Variants in CACNA2D4 observed in about 807,000 individuals in gnomAD.
CACNA2D4 encodes calcium voltage-gated channel auxiliary subunit alpha2delta 4, also known as voltage-dependent calcium channel subunit alpha-2/delta-4.
In CACNA2D4, 157 loss-of-function variants were observed where a neutral mutation model predicts 163.8. The ratio of observed to expected loss-of-function variants is 0.96; its 90% CI spans 0.84 to 1.09. CACNA2D4 has a LOEUF of 1.09. CACNA2D4 is among the 50% of genes least tolerant of loss of function. CACNA2D4 has a pLI of 0.00. For missense variants in CACNA2D4, 1,410 were observed against 1,479.9 expected, an observed-to-expected ratio of 0.95 and a Z score of 0.78; for synonymous variants, 598 against 586.9, an observed-to-expected ratio of 1.02 and a Z score of -0.27.
intron 13 of CACNA2D4, among the ~76,000 whole-genome samples, chr12:1,881,529 C>G (rs1469913439): frequency 1.3e-5 from 2 of 152,252 alleles, no homozygotes; most frequent in Non-Finnish European, 2.9e-5. Context: ...GAGCCCTGGC[C>G]CCTCCTGCTG....
At chr12:1,864,201 C>T (rs1338365299) in intron 18 of CACNA2D4, among the ~76,000 whole-genome samples, 1 of 152,178 alleles carries the variant, frequency 6.6e-6, no homozygotes, top group Non-Finnish European at 1.5e-5. Context: ...GGCTCCTAAG[C>T]GTGAAGGCCG....
chr12:1,853,618 G>A (rs772336676), intron 23 of CACNA2D4, among the ~76,000 whole-genome samples: 13 of 152,146 alleles, frequency 8.5e-5, no homozygotes, highest in African/African-American at 2.9e-4. Flanking sequence ...CAAAGGGAGC[G>A]AGGATTTCTA....
chr12:1,918,618 C>T lies in CACNA2D4; in HGVS notation c.-145G>A. The T allele has an allele frequency of 4.9e-6, 3 of 617,310 alleles. No homozygotes were observed. Among genetic ancestry groups the T allele is most frequent in the South Asian group, 2.0e-5 (1 of 49,122 alleles). 38.2% of individuals were successfully genotyped at this position (617,310 alleles called of 1,614,324 possible). On this transcript the variant is annotated 5_prime_UTR_variant, in exon 1 of 38. Transcript: ENST00000382722. ...ACAGCTGCAGCTCACAGAAGAGTCG[C>T]CCCACCTAGCAAGCAGGCCTCGGAG...
chr12:1,888,748 T>C (rs560296921), intron 6 of CACNA2D4, among the ~76,000 whole-genome samples: 1 of 152,336 alleles, frequency 6.6e-6, no homozygotes, highest in African/African-American at 2.4e-5. Flanking sequence ...GAAGGTTTAA[T>C]ACACATCTGA....
At chr12:1,810,511 T>C in intron 28 of CACNA2D4, 32 bp downstream of exon 28, 1 of 1,551,082 alleles carries the variant, frequency 6.4e-7, no homozygotes, top group Non-Finnish European at 8.7e-7. Context: ...CATGGCTCCC[T>C]CCTCCACCTT....
At position 1,882,818 on chromosome 12, in the gene CACNA2D4, C is replaced by T. The variant is rs1477979826; in HGVS notation, c.1485+49G>A. 5.0e-6 allele frequency: 8 copies of T among 1,606,072 alleles called. No individual in the cohort carries two copies. The East Asian group carries it at 1.1e-4, about 22-fold the overall frequency. ...AAGTAACTTCTTACTCCCTGGGGTC[C>T]CTAACTCTGAGGTGGGCTTCTCGAG... On this transcript the variant is annotated intron_variant, in intron 13 of 37. Coordinates refer to ENST00000382722, the MANE Select transcript of CACNA2D4 (RefSeq NM_172364.5).
chr12:1,803,917 G>C (rs1322192040), intron 29 of CACNA2D4, among the ~76,000 whole-genome samples: 1 of 152,154 alleles, frequency 6.6e-6, no homozygotes, highest in African/African-American at 2.4e-5. Context: ...TAAAGCCCTG[G>C]CAGGCTGCAT....
intron 16 of CACNA2D4, among the ~76,000 whole-genome samples, chr12:1,877,455 T>C (rs1428517412): frequency 6.6e-6 from 1 of 152,224 alleles, no homozygotes; most frequent in Admixed American, 6.5e-5. Flanking sequence ...GCTTCCAGTG[T>C]GCCCTGATCT....
At chr12:1,903,118 G>C (rs1866574523) in intron 6 of CACNA2D4, among the ~76,000 whole-genome samples, 1 of 152,006 alleles carries the variant, frequency 6.6e-6, no homozygotes, top group Admixed American at 6.6e-5. Context: ...TTGGGGAGAG[G>C]ACAGTCTCTT....
At position 1,853,923 on chromosome 12, in the gene CACNA2D4, GCCTGGGAA is replaced by G. The variant is rs761403035; in HGVS notation, c.2246+20_2246+27del. 19 of 1,574,900 alleles carry G rather than the reference GCCTGGGAA, an allele frequency of 1.2e-5. No homozygotes were observed. The highest frequency in any genetic ancestry group is 1.1e-4 in the African/African-American group (8 of 74,150). On this transcript the variant is annotated intron_variant, in intron 23 of 37. Transcript: ENST00000382722. The stretch of plus-strand genomic sequence containing the variant: ...AAGGGAATTCTGGGGGCTGGTTGGG[GCCTGGGAA>G]CCTGGGAACCTGGACCTACTCGGAC...
intron 14 of CACNA2D4, 68 bp downstream of exon 14, chr12:1,879,736 G>A: frequency 7.8e-7 from 1 of 1,274,488 alleles, no homozygotes; most frequent in Admixed American, 2.0e-5. Flanking sequence ...AGAATCACTG[G>A]TCTAAAGATG....
Position 1,853,963 on chromosome 12 carries a change from A to G in CACNA2D4, c.2234T>C (p.Leu745Pro), listed in dbSNP as rs775648759. The G allele has an allele frequency of 4.3e-6, 7 of 1,612,942 alleles. No individual in the cohort carries two copies. Among genetic ancestry groups the G allele is most frequent in the Non-Finnish European group, 5.9e-6 (7 of 1,179,362 alleles). ...PMEAYWTALA[L>P]NMSEESEHVV... Reference sequence around the variant, plus strand: ...AACCTGGACCTACTCGGACATGTTGAGGGCCAGCGCTGTCCAGTAGGCTTC... The same window carrying G: ...AACCTGGACCTACTCGGACATGTTGGGGGCCAGCGCTGTCCAGTAGGCTTC... Residue 745 changes from leucine to proline, a missense_variant, in exon 23 of 38, where the codon CTC (leucine) becomes CCC (proline). Transcript: ENST00000382722.
chr12:1,856,770 C>T (rs955879171), intron 20 of CACNA2D4, among the ~76,000 whole-genome samples: 13 of 152,218 alleles, frequency 8.5e-5, no homozygotes, highest in Admixed American at 5.2e-4. Flanking sequence ...GCTCAGTACA[C>T]GCTGTTGACT....
chr12:1,832,162 T>C (rs1223422020), intron 26 of CACNA2D4, among the ~76,000 whole-genome samples: 1 of 152,158 alleles, frequency 6.6e-6, no homozygotes, highest in Non-Finnish European at 1.5e-5. Context: ...CATGATCACA[T>C]GACATGGGAG....
At chr12:1,901,860 A>G (rs1209310781) in intron 6 of CACNA2D4, among the ~76,000 whole-genome samples, 5 of 152,248 alleles carry the variant, frequency 3.3e-5, no homozygotes, top group African/African-American at 1.2e-4. Flanking sequence ...CAAGGCCAGC[A>G]TTATCCTGAT....
intron 18 of CACNA2D4, among the ~76,000 whole-genome samples, chr12:1,870,048 C>T (rs76783761): frequency 0.028 from 4,336 of 152,250 alleles, 196 homozygotes; most frequent in African/African-American, 0.099. Flanking sequence ...GGGTCTGTCT[C>T]AGCTTTGTCT....
intron 13 of CACNA2D4, among the ~76,000 whole-genome samples, chr12:1,882,260 A>G (rs1866022069): frequency 6.6e-6 from 1 of 152,156 alleles, no homozygotes; most frequent in African/African-American, 2.4e-5. Flanking sequence ...ATTCACTTCT[A>G]TCTTATTTAA....
chr12:1,902,182 T>TAA (rs141476361), intron 6 of CACNA2D4, among the ~76,000 whole-genome samples: 1 of 151,752 alleles, frequency 6.6e-6, no homozygotes, highest in Non-Finnish European at 1.5e-5. Context: ...GTAAAACCCC[T>TAA]AAAAAAACTG....
intron 26 of CACNA2D4, among the ~76,000 whole-genome samples, chr12:1,822,931 G>A (rs1565686918): frequency 6.6e-6 from 1 of 152,212 alleles, no homozygotes; most frequent in African/African-American, 2.4e-5. Flanking sequence ...CAGCCTTCCT[G>A]GGGTTGGTGG....
Sources: allele counts gnomAD v4.1 joint callset (sites outside exome capture counted in the v4.1 genomes callset), GRCh38; gene constraint gnomAD v4.1.1; transcripts MANE v1.5; gene names NCBI Gene and HGNC (gene_info 2026-07-23, HGNC 2026-07-21).